The following THRB variants were observed in gnomAD, a reference collection of about 807,000 sequenced individuals.
THRB encodes the protein thyroid hormone receptor beta.
Under a neutral mutation model 47.8 loss-of-function variants are expected in THRB, and 12 were observed. That is an observed-to-expected ratio of 0.25 (90% confidence interval 0.16 to 0.41). THRB has a LOEUF of 0.41. Among genes scored for constraint, THRB ranks in the 10% least tolerant of loss-of-function variants. The probability of loss-of-function intolerance (pLI) is 1.00; values close to 1 mark genes in which losing one functional copy is unlikely to be tolerated. For synonymous variants in THRB, 218 were observed against 212.2 expected, an observed-to-expected ratio of 1.03 and a Z score of -0.24; for missense variants, 348 against 589.2, an observed-to-expected ratio of 0.59 and a Z score of 4.24.
At chr3:24,286,677 A>C (rs116655883) in intron 3 of THRB, among the ~76,000 whole-genome samples, 2,026 of 152,304 alleles carry the variant, frequency 0.013, 48 homozygotes, top group African/African-American at 0.046. Context: ...ATTCATGTTG[A>C]AACTCAGTTT....
chr3:24,332,046 G>A (rs2061961985), intron 2 of THRB, among the ~76,000 whole-genome samples: 1 of 152,088 alleles, frequency 6.6e-6, no homozygotes, highest in Non-Finnish European at 1.5e-5. Context: ...TTCATTCCGG[G>A]TGGCAAGGTA....
chr3:24,129,795 G>A (rs1358287156), intron 9 of THRB, among the ~76,000 whole-genome samples: 3 of 152,232 alleles, frequency 2.0e-5, no homozygotes, highest in Non-Finnish European at 4.4e-5. Flanking sequence ...TGGCAAAGAC[G>A]ACAGGGCCCT....
chr3:24,174,400 T>C (rs923313344), intron 5 of THRB, among the ~76,000 whole-genome samples: 1 of 152,154 alleles, frequency 6.6e-6, no homozygotes, highest in African/African-American at 2.4e-5. Flanking sequence ...CATTTCATTT[T>C]TAAGAGAAAA....
At chr3:24,486,898 C>A (rs1697382925) in intron 1 of THRB, among the ~76,000 whole-genome samples, 1 of 151,986 alleles carries the variant, frequency 6.6e-6, no homozygotes, top group Non-Finnish European at 1.5e-5. Context: ...TTCTAGATCT[C>A]CAGATGTTAG....
At chr3:24,131,504 A>G (rs890169837) in intron 9 of THRB, among the ~76,000 whole-genome samples, 3 of 152,214 alleles carry the variant, frequency 2.0e-5, no homozygotes, top group Non-Finnish European at 4.4e-5. Flanking sequence ...GGCTGTGGGT[A>G]CTAGCATATC....
chr3:24,178,935 T>G (rs1164872540), intron 5 of THRB, among the ~76,000 whole-genome samples: 1 of 152,244 alleles, frequency 6.6e-6, no homozygotes, highest in African/African-American at 2.4e-5. Flanking sequence ...AAACATAACA[T>G]GTACATGATA....
At chr3:24,488,283 G>A (rs1697606781) in intron 1 of THRB, among the ~76,000 whole-genome samples, 1 of 152,200 alleles carries the variant, frequency 6.6e-6, no homozygotes, top group South Asian at 2.1e-4. Context: ...TTGGGAAGTA[G>A]GAAGTTGAAT....
intron 1 of THRB, chr3:24,455,323 C>G (rs1035821503): frequency 1.3e-5 from 2 of 151,752 alleles, no homozygotes; most frequent in African/African-American, 4.8e-5. Flanking sequence ...AAATTCTTTT[C>G]CACTCCTAGA....
At chr3:24,162,064 G>C (rs2038937210) in intron 5 of THRB, among the ~76,000 whole-genome samples, 1 of 152,074 alleles carries the variant, frequency 6.6e-6, no homozygotes, top group Non-Finnish European at 1.5e-5. Flanking sequence ...AGGTTGACCT[G>C]CAAAGCTGCC....
chr3:24,138,920 A>C (rs2035059652), intron 8 of THRB, among the ~76,000 whole-genome samples: 2 of 152,238 alleles, frequency 1.3e-5, no homozygotes, highest in Admixed American at 6.5e-5. Context: ...ATGAAAATTA[A>C]GGGAGCAGAA....
chr3:24,340,967 T>C (rs2062601330), intron 1 of THRB, among the ~76,000 whole-genome samples: 1 of 152,186 alleles, frequency 6.6e-6, no homozygotes, highest in Non-Finnish European at 1.5e-5. Context: ...CCTTCCTTCT[T>C]TTTTTCCTTC....
intron 2 of THRB, among the ~76,000 whole-genome samples, chr3:24,318,674 T>C (rs1275961360): frequency 6.6e-6 from 1 of 152,216 alleles, no homozygotes; most frequent in Non-Finnish European, 1.5e-5. Context: ...GCCCAATAAA[T>C]GCTCACTGGA....
At chr3:24,289,824 A>G (rs1379185810) in intron 3 of THRB, among the ~76,000 whole-genome samples, 1 of 152,202 alleles carries the variant, frequency 6.6e-6, no homozygotes, top group Admixed American at 6.5e-5. Flanking sequence ...CTAAAAATTC[A>G]TTATATCTAT....
chr3:24,171,978 A>G (rs1575578455), intron 5 of THRB, among the ~76,000 whole-genome samples: 1 of 152,194 alleles, frequency 6.6e-6, no homozygotes. Context: ...AAGAGAAAAC[A>G]ATAAAAATAA....
chr3:24,207,069 A>G (rs1446174891), intron 4 of THRB, among the ~76,000 whole-genome samples: 1 of 152,238 alleles, frequency 6.6e-6, no homozygotes, highest in Non-Finnish European at 1.5e-5. Flanking sequence ...CAGAGGTGCA[A>G]GGAAGAGCTG....
intron 3 of THRB, among the ~76,000 whole-genome samples, chr3:24,264,201 C>G (rs1077634): frequency 0.25 from 38,259 of 151,888 alleles, 4,916 homozygotes; most frequent in South Asian, 0.34. Context: ...AAATATATCA[C>G]TGTTTCTTCT....
chr3:24,161,435 G>A (rs1026587079), intron 5 of THRB, among the ~76,000 whole-genome samples: 17 of 152,050 alleles, frequency 1.1e-4, no homozygotes, highest in African/African-American at 3.6e-4. Context: ...GGATGGGAGA[G>A]AGAGGGAGAG....
At chr3:24,324,572 C>A (rs943551726) in intron 2 of THRB, among the ~76,000 whole-genome samples, 1 of 152,186 alleles carries the variant, frequency 6.6e-6, no homozygotes, top group Non-Finnish European at 1.5e-5. Flanking sequence ...AATATACATA[C>A]AGAAAACTGC....
intron 4 of THRB, among the ~76,000 whole-genome samples, chr3:24,203,169 T>G (rs1575828695): frequency 1.3e-5 from 2 of 152,258 alleles, no homozygotes; most frequent in Admixed American, 1.3e-4. Flanking sequence ...TCCCAGCACT[T>G]TGGGAGGCTG....
Sources: allele counts gnomAD v4.1 joint callset (sites outside exome capture counted in the v4.1 genomes callset), GRCh38; gene constraint gnomAD v4.1.1; transcripts MANE v1.5; gene names NCBI Gene and HGNC (gene_info 2026-07-23, HGNC 2026-07-21).